The following STXBP5L variants were observed in gnomAD, a reference collection of about 807,000 sequenced individuals.
STXBP5L encodes syntaxin binding protein 5L, also known as syntaxin-binding protein 5-like.
In STXBP5L, 65 loss-of-function variants were observed where a neutral mutation model predicts 144.5. That is an observed-to-expected ratio of 0.45 (90% CI 0.37 to 0.55). STXBP5L has a LOEUF of 0.55. Among genes scored for constraint, STXBP5L ranks in the 20% least tolerant of loss-of-function variants. The pLI is 0.00. For missense variants in STXBP5L, 1,298 were observed against 1,405.5 expected (o/e 0.92, Z 1.22); for synonymous variants, 505 against 469.6 (o/e 1.08, Z -0.97).
At chr3:121,219,335 G>A (rs1174850864) in intron 10 of STXBP5L, among the ~76,000 whole-genome samples, 1 of 151,876 alleles carries the variant, frequency 6.6e-6, no homozygotes. Context: ...TATAAGTCAG[G>A]ATGGCTGTCA....
At chr3:121,045,107 AC>A (rs1433732486) in intron 4 of STXBP5L, among the ~76,000 whole-genome samples, 5 of 152,114 alleles carry the variant, frequency 3.3e-5, no homozygotes, top group African/African-American at 9.7e-5. Context: ...AACAGTAGAA[AC>A]AAAAACCATC....
chr3:121,404,930 C>T (rs1160602634), intron 22 of STXBP5L, among the ~76,000 whole-genome samples: 1 of 152,124 alleles, frequency 6.6e-6, no homozygotes, highest in Admixed American at 6.6e-5. Context: ...GACTGAAACT[C>T]TAAGTTCAAG....
chr3:121,050,536 A>G (rs1666223509), intron 5 of STXBP5L, among the ~76,000 whole-genome samples: 1 of 152,142 alleles, frequency 6.6e-6, no homozygotes, highest in South Asian at 2.1e-4. Context: ...GCAAATGCTG[A>G]GAGATTTTGT....
chr3:121,307,151 T>A (rs576900302), intron 19 of STXBP5L, among the ~76,000 whole-genome samples: 1 of 152,112 alleles, frequency 6.6e-6, no homozygotes, highest in East Asian at 1.9e-4. Context: ...ACTGAATAAA[T>A]AAATAAGCAA....
intron 5 of STXBP5L, among the ~76,000 whole-genome samples, chr3:121,061,768 T>C (rs2041291114): frequency 6.6e-6 from 1 of 152,210 alleles, no homozygotes; most frequent in East Asian, 1.9e-4. Flanking sequence ...AAAGTCTGTT[T>C]TATCAGAGAC....
intron 3 of STXBP5L, among the ~76,000 whole-genome samples, chr3:121,010,704 C>T (rs1163864309): frequency 6.6e-6 from 1 of 151,850 alleles, no homozygotes; most frequent in African/African-American, 2.4e-5. Flanking sequence ...CTATCTCATA[C>T]ATTAAATGTG....
At chr3:121,173,445 G>A (rs566405553) in intron 9 of STXBP5L, among the ~76,000 whole-genome samples, 11 of 151,864 alleles carry the variant, frequency 7.2e-5, no homozygotes, top group African/African-American at 2.7e-4. Flanking sequence ...AGAGAACTCA[G>A]GTTGTAGGGC....
chr3:121,341,885 T>A (rs935378581), intron 20 of STXBP5L, among the ~76,000 whole-genome samples: 5 of 151,954 alleles, frequency 3.3e-5, no homozygotes, highest in Admixed American at 2.6e-4. Flanking sequence ...GGATAGTTAA[T>A]GAGTATAAAA....
At chr3:120,982,108 G>T (rs1190851297) in intron 3 of STXBP5L, among the ~76,000 whole-genome samples, 3 of 152,164 alleles carry the variant, frequency 2.0e-5, no homozygotes, top group East Asian at 3.8e-4. Flanking sequence ...ATCAGGTTTT[G>T]TATTGTGTTG....
At chr3:121,412,017 T>C (rs186698270) in intron 23 of STXBP5L, among the ~76,000 whole-genome samples, 390 of 144,814 alleles carry the variant, frequency 2.7e-3, no homozygotes, top group Non-Finnish European at 3.7e-3. Context: ...TAAGCATCTA[T>C]GTGAATTAAA....
At chr3:120,923,957 T>G (rs566361730) in intron 2 of STXBP5L, among the ~76,000 whole-genome samples, 2 of 152,174 alleles carry the variant, frequency 1.3e-5, no homozygotes, top group Non-Finnish European at 2.9e-5. Flanking sequence ...TCAACACATT[T>G]GTAGGAACAG....
At chr3:121,329,678 T>A (rs1187650607) in intron 20 of STXBP5L, among the ~76,000 whole-genome samples, 1 of 152,018 alleles carries the variant, frequency 6.6e-6, no homozygotes, top group Non-Finnish European at 1.5e-5. Flanking sequence ...CTGACCAACA[T>A]GGTGAAACCT....
intron 3 of STXBP5L, among the ~76,000 whole-genome samples, chr3:121,007,569 A>T (rs937443415): frequency 6.6e-6 from 1 of 152,030 alleles, no homozygotes; most frequent in African/African-American, 2.4e-5. Flanking sequence ...TAGATATAGC[A>T]GCATTATTCT....
chr3:120,978,282 C>T (rs575057387), intron 3 of STXBP5L, among the ~76,000 whole-genome samples: 7 of 152,290 alleles, frequency 4.6e-5, no homozygotes, highest in East Asian at 3.9e-4. Flanking sequence ...CTTCTCACTA[C>T]ATTTCATTCA....
intron 22 of STXBP5L, among the ~76,000 whole-genome samples, chr3:121,392,770 C>CGCATATATAT (rs1553786047): frequency 8.9e-6 from 1 of 112,386 alleles, no homozygotes; most frequent in Non-Finnish European, 1.8e-5. Context: ...TATTTCATGG[C>CGCATATATAT]ATATATATAT....
intron 9 of STXBP5L, among the ~76,000 whole-genome samples, chr3:121,201,436 C>G (rs1244682362): frequency 6.6e-6 from 1 of 152,166 alleles, no homozygotes; most frequent in Non-Finnish European, 1.5e-5. Context: ...TCTCCTGATG[C>G]AGCACATCGA....
chr3:120,981,301 A>G (rs989839414), intron 3 of STXBP5L, among the ~76,000 whole-genome samples: 2 of 152,130 alleles, frequency 1.3e-5, no homozygotes, highest in Admixed American at 6.5e-5. Flanking sequence ...TTTTTTTAAT[A>G]CTTTTTACAT....
chr3:121,015,310 G>T (rs1357428417), intron 3 of STXBP5L, among the ~76,000 whole-genome samples: 1 of 152,116 alleles, frequency 6.6e-6, no homozygotes, highest in Non-Finnish European at 1.5e-5. Context: ...AAAGAGCTTG[G>T]AAGTTGTTAC....
At chr3:121,224,192 A>C (rs747950959) in intron 11 of STXBP5L, among the ~76,000 whole-genome samples, 1 of 152,186 alleles carries the variant, frequency 6.6e-6, no homozygotes, top group Non-Finnish European at 1.5e-5. Flanking sequence ...TATCGTTTGT[A>C]GAAAGAGAAT....
Sources: gnomAD v4.1 joint callset for allele counts (sites outside exome capture counted in the v4.1 genomes callset) on GRCh38, gnomAD v4.1.1 for gene constraint, MANE v1.5 for transcripts, NCBI Gene and HGNC (gene_info 2026-07-23, HGNC 2026-07-21) for gene names.